Variants in ZNF536 observed in about 807,000 individuals in gnomAD.
ZNF536 encodes the protein zinc finger protein 536.
In ZNF536, 13 loss-of-function variants were observed where a neutral mutation model predicts 84.5. The ratio of observed to expected loss-of-function variants is 0.15; its 90% CI spans 0.10 to 0.24. ZNF536 has a LOEUF of 0.24. ZNF536 is among the 10% of genes least tolerant of loss of function. The pLI, the probability that ZNF536 is intolerant of heterozygous loss-of-function variation, is 1.00. For synonymous variants in ZNF536, 811 were observed against 742.5 expected (o/e 1.09, Z -1.50); for missense variants, 1,536 against 1,747.5 (o/e 0.88, Z 2.16).
intron 1 of ZNF536, among the ~76,000 whole-genome samples, chr19:30,698,999 A>G (rs1339500944): frequency 6.6e-6 from 1 of 152,088 alleles, no homozygotes; most frequent in Non-Finnish European, 1.5e-5. Context: ...TCATAATCTG[A>G]TATTATGTTG....
At chr19:30,696,084 G>A (rs2051645566) in intron 1 of ZNF536, among the ~76,000 whole-genome samples, 1 of 152,120 alleles carries the variant, frequency 6.6e-6, no homozygotes, top group Non-Finnish European at 1.5e-5. Flanking sequence ...CACAACTCTA[G>A]CTTTGTTTTA....
chr19:30,499,258 G>T (rs2054850685), intron 2 of ZNF536, among the ~76,000 whole-genome samples: 1 of 151,874 alleles, frequency 6.6e-6, no homozygotes, highest in Non-Finnish European at 1.5e-5. Context: ...TCAGATAAAA[G>T]AAGTATTTAT....
chr19:30,387,018 G>T (rs2049371350), intron 1 of ZNF536, among the ~76,000 whole-genome samples: 2 of 152,230 alleles, frequency 1.3e-5, no homozygotes, highest in South Asian at 4.1e-4. Flanking sequence ...GTAAAAAGAT[G>T]CTAGAGGAAG....
intron 2 of ZNF536, among the ~76,000 whole-genome samples, chr19:30,295,678 A>G (rs1446924437): frequency 6.6e-6 from 1 of 152,222 alleles, no homozygotes; most frequent in Non-Finnish European, 1.5e-5. Flanking sequence ...CTCTGGGGTC[A>G]TTCCGTGCAC....
At chr19:30,308,001 A>T (rs1268849517) in intron 2 of ZNF536, among the ~76,000 whole-genome samples, 1 of 152,198 alleles carries the variant, frequency 6.6e-6, no homozygotes, top group African/African-American at 2.4e-5. Flanking sequence ...TATGATATTA[A>T]ATCATTCTTT....
At chr19:30,276,100 C>T (rs558494718) in intron 1 of ZNF536, among the ~76,000 whole-genome samples, 10 of 151,580 alleles carry the variant, frequency 6.6e-5, no homozygotes, top group Admixed American at 3.3e-4. Context: ...CCAGGGCCAC[C>T]GGGGGAGTGC....
chr19:30,275,692 A>G (rs1297024000), intron 1 of ZNF536, among the ~76,000 whole-genome samples: 1 of 151,960 alleles, frequency 6.6e-6, no homozygotes, highest in African/African-American at 2.4e-5. Flanking sequence ...GATAATACCC[A>G]CCTCATAAGA....
At chr19:30,593,819 G>A (rs2047355151) in intron 1 of ZNF536, among the ~76,000 whole-genome samples, 1 of 152,264 alleles carries the variant, frequency 6.6e-6, no homozygotes, top group African/African-American at 2.4e-5. Flanking sequence ...GCTGGGGTCT[G>A]CCAGCCTGGC....
intron 1 of ZNF536, among the ~76,000 whole-genome samples, chr19:30,245,834 C>G (rs903935425): frequency 2.0e-5 from 3 of 152,226 alleles, no homozygotes; most frequent in Admixed American, 2.0e-4. Flanking sequence ...CCGCCTATAC[C>G]ACTTGGTCTG....
chr19:30,544,309 G>C (rs1164130030), intron 3 of ZNF536, among the ~76,000 whole-genome samples: 2 of 152,184 alleles, frequency 1.3e-5, no homozygotes, highest in Non-Finnish European at 2.9e-5. Context: ...GAACTTTCTA[G>C]AACCTTGCAT....
Position 30,383,772 on chromosome 19 carries a change from T to TC in ZNF536, c.-3+11216_-3+11217insC, listed in dbSNP as rs1491145963. 2.2e-4 allele frequency among the ~76,000 whole-genome samples: 14 copies of TC among 62,452 alleles called. 1 individual carries two copies. In the East Asian group the frequency reaches 4.5e-3, roughly 20 times the overall value. The allele number at this position is 62,452 out of a possible 152,430, so 41.0% of individuals were successfully genotyped here. On this transcript the variant is annotated intron_variant, in intron 1 of 4. Coordinates refer to ENST00000355537, the MANE Select transcript of ZNF536 (RefSeq NM_014717.3). ...TTCTTTCTTTCTCTTTCTTTCTTTCTTTTCTTTCTTTCTTTCTTTTCTTTC... is the reference window on the plus strand; with the variant it reads ...TTCTTTCTTTCTCTTTCTTTCTTTCTCTTTCTTTCTTTCTTTCTTTTCTTTC...
intron 1 of ZNF536, among the ~76,000 whole-genome samples, chr19:30,595,724 G>A (rs182983523): frequency 6.6e-6 from 1 of 152,330 alleles, no homozygotes; most frequent in African/African-American, 2.4e-5. Context: ...CTCTGTAGGG[G>A]ACCATTGACT....
intron 1 of ZNF536, among the ~76,000 whole-genome samples, chr19:30,566,942 C>T (rs974676434): frequency 2.6e-5 from 4 of 151,590 alleles, no homozygotes; most frequent in Non-Finnish European, 4.4e-5. Context: ...GGAGGGATCC[C>T]TGCCTGTGGC....
intron 2 of ZNF536, among the ~76,000 whole-genome samples, chr19:30,339,930 G>A (rs372364488): frequency 6.6e-6 from 1 of 152,092 alleles, no homozygotes; most frequent in East Asian, 1.9e-4. Flanking sequence ...TGGCCTGGGG[G>A]TATCCTGCAA....
At chr19:30,498,581 T>A (rs1305173411) in intron 2 of ZNF536, among the ~76,000 whole-genome samples, 1 of 149,896 alleles carries the variant, frequency 6.7e-6, no homozygotes, top group Non-Finnish European at 1.5e-5. Flanking sequence ...CCTGCACATG[T>A]ACCCCCAGAA....
At chr19:30,298,484 C>T (rs549754888) in intron 2 of ZNF536, among the ~76,000 whole-genome samples, 4 of 152,298 alleles carry the variant, frequency 2.6e-5, no homozygotes, top group South Asian at 2.1e-4. Context: ...ATGCTGGTAG[C>T]GTTGGGGTCA....
At chr19:30,342,944 A>G (rs1343668394) in intron 2 of ZNF536, among the ~76,000 whole-genome samples, 4 of 152,220 alleles carry the variant, frequency 2.6e-5, no homozygotes, top group African/African-American at 7.2e-5. Flanking sequence ...GTCTGTCTCA[A>G]TCATGCCTGG....
At chr19:30,391,683 C>A (rs771285158) in intron 1 of ZNF536, among the ~76,000 whole-genome samples, 3 of 150,272 alleles carry the variant, frequency 2.0e-5, no homozygotes, top group Non-Finnish European at 4.4e-5. Context: ...GACCACAGAG[C>A]GATCTGAGAA....
intron 2 of ZNF536, among the ~76,000 whole-genome samples, chr19:30,294,986 G>A (rs2045953981): frequency 1.3e-5 from 2 of 152,166 alleles, no homozygotes; most frequent in Non-Finnish European, 2.9e-5. Context: ...GCTGCAGGCT[G>A]CTACCTGAAG....
Sources: gnomAD v4.1 joint callset for allele counts (sites outside exome capture counted in the v4.1 genomes callset) on GRCh38, gnomAD v4.1.1 for gene constraint, MANE v1.5 for transcripts, NCBI Gene and HGNC (gene_info 2026-07-23, HGNC 2026-07-21) for gene names.